PABPC4L: variants seen among roughly 807,000 people sequenced by gnomAD.
PABPC4L encodes polyadenylate-binding protein 4-like.
For missense variants in PABPC4L, 452 were observed against 451.4 expected (o/e 1.00, Z -0.01); for synonymous variants, 169 against 164.1 (o/e 1.03, Z -0.23).
chr4:134,164,809 T>G, the PABPC4L span, among the ~76,000 whole-genome samples: 1 of 151,990 alleles, frequency 6.6e-6, no homozygotes, highest in African/African-American at 2.4e-5. Flanking sequence ...AGAGCCCCAA[T>G]AGCCAAAGCA....
chr4:134,029,834 G>A, the PABPC4L span, among the ~76,000 whole-genome samples: 1 of 151,816 alleles, frequency 6.6e-6, no homozygotes, highest in Non-Finnish European at 1.5e-5. Flanking sequence ...ATCTTGAATT[G>A]TAGTTCCAAT....
the PABPC4L span, among the ~76,000 whole-genome samples, chr4:134,018,687 G>A: frequency 7.4e-4 from 113 of 151,966 alleles, no homozygotes; most frequent in African/African-American, 2.6e-3. Context: ...CATTGTTTAC[G>A]TTCATTGAAA....
the PABPC4L span, among the ~76,000 whole-genome samples, chr4:133,980,929 G>T: frequency 6.6e-6 from 1 of 152,120 alleles, no homozygotes; most frequent in Non-Finnish European, 1.5e-5. Flanking sequence ...AGGCCGAAGT[G>T]GGCAGATCAT....
At chr4:134,036,286 A>G in the PABPC4L span, among the ~76,000 whole-genome samples, 1 of 152,108 alleles carries the variant, frequency 6.6e-6, no homozygotes, top group African/African-American at 2.4e-5. Flanking sequence ...CTGACTTACT[A>G]TACCTTATTT....
chr4:134,019,376 T>A, the PABPC4L span, among the ~76,000 whole-genome samples: 1 of 152,278 alleles, frequency 6.6e-6, no homozygotes, highest in East Asian at 1.9e-4. Flanking sequence ...TTGGGGTTCA[T>A]CTATTAGAAA....
At chr4:134,047,272 A>G in the PABPC4L span, among the ~76,000 whole-genome samples, 5 of 152,262 alleles carry the variant, frequency 3.3e-5, no homozygotes, top group South Asian at 1.0e-3. Context: ...TGTAAGCATC[A>G]TCCCCACAGG....
the PABPC4L span, among the ~76,000 whole-genome samples, chr4:134,019,271 T>C: frequency 6.6e-6 from 1 of 152,148 alleles, no homozygotes; most frequent in African/African-American, 2.4e-5. Flanking sequence ...TGAAAACATT[T>C]ACATTTTGGT....
chr4:134,093,232 TTTTAA>T, the PABPC4L span, among the ~76,000 whole-genome samples: 4 of 151,854 alleles, frequency 2.6e-5, no homozygotes, highest in Admixed American at 1.3e-4. Flanking sequence ...TTGTGCTTTC[TTTTAA>T]TTTATCATTT....
At chr4:134,034,285 C>T in the PABPC4L span, among the ~76,000 whole-genome samples, 175 of 151,992 alleles carry the variant, frequency 1.2e-3, no homozygotes, top group African/African-American at 4.0e-3. Flanking sequence ...ATTACCCTTT[C>T]GATTATCACT....
the PABPC4L span, among the ~76,000 whole-genome samples, chr4:134,020,601 T>C: frequency 6.6e-6 from 1 of 152,064 alleles, no homozygotes; most frequent in African/African-American, 2.4e-5. Flanking sequence ...GGAGTTGCTC[T>C]GGTTTGAATG....
the PABPC4L span, among the ~76,000 whole-genome samples, chr4:134,074,496 A>G: frequency 6.6e-6 from 1 of 152,036 alleles, no homozygotes; most frequent in Non-Finnish European, 1.5e-5. Context: ...TTCCTATCTT[A>G]TTTTGAGCCC....
chr4:134,129,744 G>A, the PABPC4L span, among the ~76,000 whole-genome samples: 1 of 151,964 alleles, frequency 6.6e-6, no homozygotes, highest in Admixed American at 6.6e-5. Context: ...GTGGTGCTAA[G>A]AGGAAAGTTC....
chr4:134,096,567 T>C, the PABPC4L span, among the ~76,000 whole-genome samples: 1 of 151,932 alleles, frequency 6.6e-6, no homozygotes, highest in Non-Finnish European at 1.5e-5. Context: ...TTACAATGGC[T>C]TAAGTCAGGA....
chr4:133,948,779 G>A, the PABPC4L span, among the ~76,000 whole-genome samples: 1 of 152,134 alleles, frequency 6.6e-6, no homozygotes, highest in Non-Finnish European at 1.5e-5. Context: ...TTTGTTGAGG[G>A]CTAGTACCAA....
chr4:134,072,247 A>G, the PABPC4L span, among the ~76,000 whole-genome samples: 1 of 152,144 alleles, frequency 6.6e-6, no homozygotes, highest in African/African-American at 2.4e-5. Flanking sequence ...TTCTCTCCAT[A>G]AAGATGTGAT....
chr4:134,008,257 C>T, the PABPC4L span, among the ~76,000 whole-genome samples: 2 of 151,666 alleles, frequency 1.3e-5, no homozygotes, highest in African/African-American at 4.8e-5. Flanking sequence ...AATTTGTTGG[C>T]CAATCAATTA....
chr4:133,951,869 C>T, the PABPC4L span, among the ~76,000 whole-genome samples: 1 of 152,102 alleles, frequency 6.6e-6, no homozygotes, highest in Non-Finnish European at 1.5e-5. Flanking sequence ...CCATAACCTA[C>T]AGTAATGAGT....
the PABPC4L span, among the ~76,000 whole-genome samples, chr4:133,994,957 G>A: frequency 6.6e-6 from 1 of 152,106 alleles, no homozygotes; most frequent in South Asian, 2.1e-4. Flanking sequence ...AACCTTTTTA[G>A]GGTCTTCTTC....
chr4:134,064,328 ACCTT>A, the PABPC4L span, among the ~76,000 whole-genome samples: 2,547 of 152,140 alleles, frequency 0.017, 36 homozygotes, highest in Non-Finnish European at 0.025. Flanking sequence ...GTCTCAGGAC[ACCTT>A]ATTATTAAAA....
Sources: gnomAD v4.1 joint callset for allele counts (sites outside exome capture counted in the v4.1 genomes callset) on GRCh38, gnomAD v4.1.1 for gene constraint, MANE v1.5 for transcripts, NCBI Gene and HGNC (gene_info 2026-07-23, HGNC 2026-07-21) for gene names.